Variants in IL13RA2 observed in about 807,000 individuals in gnomAD.
IL13RA2 encodes interleukin-13 receptor subunit alpha-2.
A neutral mutation model predicts 34.1 loss-of-function variants in IL13RA2; 25 were observed. The observed-to-expected ratio is 0.73, with a 90% CI of 0.53 to 1.03. IL13RA2 has a LOEUF of 1.03. Among genes scored for constraint, IL13RA2 ranks in the 50% least tolerant of loss-of-function variants. IL13RA2 has a pLI of 0.00. For synonymous variants in IL13RA2, 106 were observed against 100.4 expected, an observed-to-expected ratio of 1.06 and a Z score of -0.33; for missense variants, 297 against 280.9, an observed-to-expected ratio of 1.06 and a Z score of -0.41.
chrX:115,005,146 T>G (rs782717978), intron 9 of IL13RA2, 51 bp downstream of exon 9: 1 of 622,859 alleles, frequency 1.6e-6, no homozygotes, highest in South Asian at 2.3e-5. Flanking sequence ...TGCAGAACAT[T>G]TTAAAAATCT....
intron 2 of IL13RA2, 120 bp from the exon 3 acceptor site, chrX:115,015,941 C>A: frequency 2.1e-6 from 1 of 477,768 alleles, no homozygotes; most frequent in Non-Finnish European, 3.5e-6. Flanking sequence ...GTGCTACATG[C>A]ATACAATCAA....
At chrX:115,005,075 A>T in intron 9 of IL13RA2, 122 bp downstream of exon 9, 1 of 471,641 alleles carries the variant, frequency 2.1e-6, no homozygotes, top group Non-Finnish European at 3.8e-6. Context: ...TCCATACGGA[A>T]TCAATTGTAC....
intron 7 of IL13RA2, among the ~76,000 whole-genome samples, chrX:115,008,364 G>A (rs1448207185): frequency 9.0e-6 from 1 of 111,403 alleles, no homozygotes; most frequent in Admixed American, 9.6e-5. Context: ...TAGCCTTGGT[G>A]TTTATAACAC....
At chrX:115,016,644 AATATAAT>A (rs1299871474) in intron 2 of IL13RA2, among the ~76,000 whole-genome samples, 1 of 102,608 alleles carries the variant, frequency 9.7e-6, no homozygotes, top group African/African-American at 3.4e-5. Flanking sequence ...TATTAATTAT[AATATAAT>A]ATATAATATA....
chrX:115,013,616 G>GA (rs781896371), intron 5 of IL13RA2, among the ~76,000 whole-genome samples, 153 bp downstream of exon 5: 93 of 111,147 alleles, frequency 8.4e-4, no homozygotes, highest in Non-Finnish European at 1.3e-3. Flanking sequence ...TACACCCATT[G>GA]AAAACCTCAA....
chrX:115,009,696 C>T lies in IL13RA2; in HGVS notation c.707-30G>A, dbSNP rs17095899. 4.1e-4 allele frequency: 479 copies of T among 1,179,503 alleles called. 4 individuals carry two copies. In the African/African-American group the frequency reaches 6.3e-3, roughly 16 times the overall value. ...AAAGCAAAAGAGAACCATTTCAACACGGAGATTGTTGAAGTTTAGCAGTAG... is the reference window on the plus strand; with the variant it reads ...AAAGCAAAAGAGAACCATTTCAACATGGAGATTGTTGAAGTTTAGCAGTAG... On this transcript the variant is annotated intron_variant, in intron 6 of 9. Coordinates refer to ENST00000243213, the MANE Select transcript of IL13RA2 (RefSeq NM_000640.3).
Position 115,008,032 on chromosome X carries a change from A to G in IL13RA2, c.897T>C (p.Asn299=). The change falls in exon 8 of 10, where the codon AAT becomes AAC. Residue 299 remains asparagine (N), a synonymous_variant. Coordinates refer to ENST00000243213, the MANE Select transcript of IL13RA2 (RefSeq NM_000640.3). ...ENETYTLKTT[N]ETRQLCFVVR... ...CTACAAAGCATAATTGTCGGGTTTCATTTGTTGTTTTCAAGGTGTATGTTT... is the reference window on the plus strand; with the variant it reads ...CTACAAAGCATAATTGTCGGGTTTCGTTTGTTGTTTTCAAGGTGTATGTTT... 1.7e-6 allele frequency: 2 copies of G among 1,150,950 alleles called. No individual in the cohort carries two copies. The highest frequency in any genetic ancestry group is 1.2e-6 in the Non-Finnish European group (1 of 842,038). The allele number at this position is 1,150,950 out of a possible 1,213,427, so 94.9% of individuals were successfully genotyped here. A position where few individuals can be genotyped will look rare whatever the true frequency, so the allele number is the denominator to read the frequency against.
At chrX:115,004,441 A>G (rs782256028) in intron 9 of IL13RA2, among the ~76,000 whole-genome samples, 41 of 103,317 alleles carry the variant, frequency 4.0e-4, no homozygotes, top group Admixed American at 9.3e-4. Flanking sequence ...CTAATGTTTA[A>G]ATTTTTTATA....
chrX:115,010,984 G>A (rs1212077601), intron 5 of IL13RA2, among the ~76,000 whole-genome samples, 156 bp from the exon 6 acceptor site: 1 of 108,530 alleles, frequency 9.2e-6, no homozygotes, highest in Non-Finnish European at 1.9e-5. Flanking sequence ...CAGGCACTAT[G>A]ATAAGCAATA....
Position 115,008,177 on chromosome X carries a change from C to A in IL13RA2, c.853-101G>T, listed in dbSNP as rs868932896. 9.0e-6 allele frequency: 5 copies of A among 553,635 alleles called. 1 individual carries two copies. In the Middle Eastern group the frequency reaches 1.8e-3, roughly 201 times the overall value. 45.6% of individuals were successfully genotyped at this position (553,635 alleles called of 1,213,427 possible). A position where few individuals can be genotyped will look rare whatever the true frequency, so the allele number is the denominator to read the frequency against. ...CAAAGTGGGTTTTATTACATAAAAT[C>A]TATGCAATCTATGCATCAAAAGACT... On this transcript the variant is annotated intron_variant, in intron 7 of 9. Coordinates refer to ENST00000243213, the MANE Select transcript of IL13RA2 (RefSeq NM_000640.3).
intron 6 of IL13RA2, 34 bp from the exon 7 acceptor site, chrX:115,009,700 G>C: frequency 8.5e-7 from 1 of 1,170,261 alleles, no homozygotes; most frequent in Non-Finnish European, 1.2e-6. Context: ...TCAACACGGA[G>C]ATTGTTGAAG....
chrX:115,014,994 A>G (rs2071720804), intron 3 of IL13RA2, among the ~76,000 whole-genome samples: 1 of 111,568 alleles, frequency 9.0e-6, no homozygotes, highest in Non-Finnish European at 1.9e-5. Context: ...AAAAATACAG[A>G]CAAATCATGA....
At position 115,005,189 on chromosome X, in the gene IL13RA2, C is replaced by T. The variant is rs781894594; in HGVS notation, c.1116+8G>A. 5 of 749,652 alleles carry T rather than the reference C, an allele frequency of 6.7e-6. No homozygotes were observed. The South Asian group carries it at 1.0e-4, about 16-fold the overall frequency. 61.8% of individuals were successfully genotyped at this position (749,652 alleles called of 1,213,427 possible). A position where few individuals can be genotyped will look rare whatever the true frequency, so the allele number is the denominator to read the frequency against. On this transcript the variant is annotated splice_region_variant and intron_variant, in intron 9 of 9. Coordinates refer to ENST00000243213, the MANE Select transcript of IL13RA2 (RefSeq NM_000640.3). ...TCAGGCTAAACATCATAATGTTACA[C>T]ATCTTACCATTTTTGGGTAGGTGTT...
chrX:115,015,254 A>G (rs2071721710), intron 3 of IL13RA2, among the ~76,000 whole-genome samples: 1 of 111,700 alleles, frequency 9.0e-6, no homozygotes, highest in African/African-American at 3.3e-5. Context: ...ACAACGAACC[A>G]TAATCCTGCG....
chrX:115,016,661 AATAAT>A (rs1415636551), intron 2 of IL13RA2, among the ~76,000 whole-genome samples: 5 of 88,444 alleles, frequency 5.7e-5, no homozygotes, highest in African/African-American at 1.8e-4. Context: ...TATATAATAT[AATAAT>A]ATACTATAAA....
At position 115,004,061 on chromosome X, in the gene IL13RA2, C is replaced by A. The variant is rs1189692272; in HGVS notation, c.*19G>T. 4.0e-6 allele frequency: 4 copies of A among 994,640 alleles called. No individual in the cohort carries two copies. The highest frequency in any genetic ancestry group is 5.7e-6 in the Non-Finnish European group (4 of 704,719). The allele number at this position is 994,640 out of a possible 1,213,427, so 82.0% of individuals were successfully genotyped here. A position where few individuals can be genotyped will look rare whatever the true frequency, so the allele number is the denominator to read the frequency against. On this transcript the variant is annotated 3_prime_UTR_variant, in exon 10 of 10. Coordinates refer to ENST00000243213, the MANE Select transcript of IL13RA2 (RefSeq NM_000640.3). ...GGAAACTGTTGAGTCAATACCATGTCTCTTGATATGGAAAGTCTTCATGTA... is the reference window on the plus strand; with the variant it reads ...GGAAACTGTTGAGTCAATACCATGTATCTTGATATGGAAAGTCTTCATGTA...
At position 115,013,846 on chromosome X, in the gene IL13RA2, G is replaced by A; in HGVS notation, c.444C>T (p.Tyr148=). The A allele has an allele frequency of 1.0e-6, 1 of 995,992 alleles. No homozygotes were observed. Among genetic ancestry groups the A allele is most frequent in the Non-Finnish European group, 1.4e-6 (1 of 700,597 alleles). The allele number at this position is 995,992 out of a possible 1,213,427, so 82.1% of individuals were successfully genotyped here. A position where few individuals can be genotyped will look rare whatever the true frequency, so the allele number is the denominator to read the frequency against. ...TKVQDMDCVY[Y]NWQYLLCSWK... is the part of the protein sequence containing the mutation. ...AAGAACAGAGTAAATATTGCCAATT[G>A]TAATATACGCAATCCATATCCTGAA... Residue 148 remains tyrosine, a synonymous_variant, in exon 5 of 10, where the codon TAC becomes TAT. Transcript: ENST00000243213.
Position 115,014,501 on chromosome X carries a change from G to A in IL13RA2, c.320C>T (p.Thr107Met), listed in dbSNP as rs368005707. The stretch of plus-strand genomic sequence containing the variant: ...ATTTGTGCATTGCCATGGTAAAAGC[G>A]TGTGTATCTTCGCTTCAATGCCCTT... ...LNKGIEAKIH[T>M]LLPWQCTNGS... The change falls in exon 4 of 10, where the codon ACG becomes ATG. Residue 107 changes from threonine to methionine, a missense_variant. Thr to Met is a moderately conservative substitution (Grantham distance 81). Transcript: ENST00000243213. The A allele has an allele frequency of 9.3e-6, 11 of 1,188,104 alleles. No individual in the cohort carries two copies. The highest frequency in any genetic ancestry group is 2.3e-4 in the Middle Eastern group (1 of 4,306).
chrX:115,017,538 C>T lies in IL13RA2; in HGVS notation c.-34+15G>A. 1 of 251,119 alleles carries T rather than the reference C, an allele frequency of 4.0e-6. No homozygotes were observed. The highest frequency in any genetic ancestry group is 6.9e-6 in the Non-Finnish European group (1 of 144,219). 20.7% of individuals were successfully genotyped at this position (251,119 alleles called of 1,213,427 possible). A position where few individuals can be genotyped will look rare whatever the true frequency, so the allele number is the denominator to read the frequency against. On this transcript the variant is annotated intron_variant, in intron 1 of 9. Coordinates refer to ENST00000243213, the MANE Select transcript of IL13RA2 (RefSeq NM_000640.3). ...ATAAAAACAAAGCTAAGCAAAAACC[C>T]TTGTAGCTCCTCACCTCCCCGCCGA...
Sources: gnomAD v4.1 joint callset for allele counts (sites outside exome capture counted in the v4.1 genomes callset) on GRCh38, gnomAD v4.1.1 for gene constraint, MANE v1.5 for transcripts, NCBI Gene and HGNC (gene_info 2026-07-23, HGNC 2026-07-21) for gene names.